The following C1QTNF3 variants were observed in gnomAD, a reference collection of about 807,000 sequenced individuals.
C1QTNF3 encodes the protein C1q and TNF related 3.
In C1QTNF3, 26 loss-of-function variants were observed where a neutral mutation model predicts 32.6. That is an observed-to-expected ratio of 0.80 (90% CI 0.58 to 1.11). C1QTNF3 has a LOEUF of 1.11. Ranked by LOEUF, C1QTNF3 falls within the 50% of genes least tolerant of loss-of-function variation. C1QTNF3 has a pLI of 0.00. For synonymous variants in C1QTNF3, 155 were observed against 146.0 expected (o/e 1.06, Z -0.44); for missense variants, 362 against 398.2 (o/e 0.91, Z 0.77).
chr5:34,020,843 C>A, intron 5 of C1QTNF3, 101 bp from the exon 6 acceptor site: 1 of 1,264,414 alleles, frequency 7.9e-7, no homozygotes, highest in South Asian at 1.4e-5. Context: ...CAGGTATAAT[C>A]CTGCGGCTAA....
chr5:34,175,870 C>T, the C1QTNF3 span: 70 of 799,416 alleles, frequency 8.8e-5, no homozygotes, highest in African/African-American at 6.6e-4. Flanking sequence ...TCTCCAACCA[C>T]GTATTTTCTG....
At chr5:34,208,272 T>G in the C1QTNF3 span, among the ~76,000 whole-genome samples, 4 of 152,178 alleles carry the variant, frequency 2.6e-5, no homozygotes, top group African/African-American at 9.6e-5. Context: ...TACTTGCCCC[T>G]GTTATAACAA....
the C1QTNF3 span, among the ~76,000 whole-genome samples, chr5:34,102,885 G>C: frequency 6.6e-6 from 1 of 152,234 alleles, no homozygotes; most frequent in Non-Finnish European, 1.5e-5. Flanking sequence ...TAATGTAAAT[G>C]ACGGGTTAAT....
Position 34,020,510 on chromosome 5 carries a change from A to G in C1QTNF3, c.*73T>C, listed in dbSNP as rs887552148. ...ACAGCAATGTAAAACCCTCAACTTT[A>G]ATGTTCCTCAGATCGTAACAAATCA... On this transcript the variant is annotated 3_prime_UTR_variant, in exon 6 of 6. Transcript: ENST00000382065. 96 of 1,526,366 alleles carry G rather than the reference A, an allele frequency of 6.3e-5. No individual in the cohort carries two copies. The highest frequency in any genetic ancestry group is 7.9e-5 in the Non-Finnish European group (89 of 1,122,480). 94.6% of individuals were successfully genotyped at this position (1,526,366 alleles called of 1,614,324 possible). A position where few individuals can be genotyped will look rare whatever the true frequency, so the allele number is the denominator to read the frequency against.
In C1QTNF3 at chr5:34,043,180, G is replaced by T; in HGVS notation, c.-55C>A. 6.4e-7 allele frequency: 1 copy of T among 1,553,348 alleles called. No homozygotes were observed. ...GAGAAGACAGCAGAGCTCCAGGAGC[G>T]TGGTCTCCTCGGGCAGATGCCAGGA... is the stretch of plus-strand genomic sequence containing the variant. On this transcript the variant is annotated 5_prime_UTR_variant, in exon 1 of 6. Transcript: ENST00000382065.
the C1QTNF3 span, among the ~76,000 whole-genome samples, chr5:34,110,799 G>A: frequency 6.6e-6 from 1 of 151,884 alleles, no homozygotes; most frequent in African/African-American, 2.4e-5. Context: ...ACATCTGCAT[G>A]AATATTAAAG....
chr5:34,146,527 C>T, the C1QTNF3 span, among the ~76,000 whole-genome samples: 3 of 152,168 alleles, frequency 2.0e-5, no homozygotes, highest in Non-Finnish European at 4.4e-5. Flanking sequence ...CTTACAATCA[C>T]CTGATCTTCA....
chr5:34,137,678 T>A, the C1QTNF3 span, among the ~76,000 whole-genome samples: 1 of 152,258 alleles, frequency 6.6e-6, no homozygotes, highest in Non-Finnish European at 1.5e-5. Flanking sequence ...ATACAGTGAC[T>A]TTATGACTTT....
the C1QTNF3 span, among the ~76,000 whole-genome samples, chr5:34,224,983 G>A: frequency 6.6e-6 from 1 of 152,116 alleles, no homozygotes; most frequent in African/African-American, 2.4e-5. Flanking sequence ...TCATCAAAAA[G>A]TGGGCGAAGG....
chr5:34,157,793 T>C, the C1QTNF3 span, among the ~76,000 whole-genome samples: 15 of 152,176 alleles, frequency 9.9e-5, no homozygotes, highest in South Asian at 2.1e-4. Flanking sequence ...CCTTTCAACA[T>C]TGGGATTTTA....
At chr5:34,157,724 G>GA in the C1QTNF3 span, among the ~76,000 whole-genome samples, 1 of 152,160 alleles carries the variant, frequency 6.6e-6, no homozygotes, top group Non-Finnish European at 1.5e-5. Flanking sequence ...GCCTCTAGAA[G>GA]CTGTAAAAGT....
the C1QTNF3 span, among the ~76,000 whole-genome samples, chr5:34,102,190 A>C: frequency 1.3e-5 from 2 of 152,052 alleles, no homozygotes; most frequent in African/African-American, 4.8e-5. Flanking sequence ...AAGATAACGA[A>C]TATTACCTTT....
chr5:34,102,246 G>C, the C1QTNF3 span, among the ~76,000 whole-genome samples: 1 of 152,080 alleles, frequency 6.6e-6, no homozygotes, highest in South Asian at 2.1e-4. Flanking sequence ...CATTTCGTCT[G>C]ATTTTAGCTT....
At chr5:34,144,911 C>A in the C1QTNF3 span, among the ~76,000 whole-genome samples, 1,114 of 152,156 alleles carry the variant, frequency 7.3e-3, 14 homozygotes, top group African/African-American at 0.026. Flanking sequence ...AGGTGGATCA[C>A]GAGGTCAGGA....
At chr5:34,021,848 G>A (rs1388532675) in intron 5 of C1QTNF3, among the ~76,000 whole-genome samples, 6 of 152,148 alleles carry the variant, frequency 3.9e-5, no homozygotes, top group Admixed American at 3.9e-4. Flanking sequence ...GAGTTGATAG[G>A]TGCAGCAAAC....
At chr5:34,040,227 T>G (rs909637444) in intron 1 of C1QTNF3, among the ~76,000 whole-genome samples, 5 of 152,174 alleles carry the variant, frequency 3.3e-5, no homozygotes, top group Non-Finnish European at 7.3e-5. Context: ...CAAATTTGTA[T>G]GCAAAAGGCA....
At chr5:34,100,818 T>C in the C1QTNF3 span, among the ~76,000 whole-genome samples, 7 of 150,838 alleles carry the variant, frequency 4.6e-5, 1 homozygote, top group African/African-American at 1.7e-4. Flanking sequence ...TTACAAAAAA[T>C]TTTAAAGTAT....
the C1QTNF3 span, among the ~76,000 whole-genome samples, chr5:34,128,346 C>A: frequency 6.6e-6 from 1 of 152,324 alleles, no homozygotes; most frequent in Non-Finnish European, 1.5e-5. Flanking sequence ...GAGGGCAGTG[C>A]ACAGGAGAAA....
the C1QTNF3 span, among the ~76,000 whole-genome samples, chr5:34,088,732 G>A: frequency 6.6e-6 from 1 of 152,048 alleles, no homozygotes; most frequent in Non-Finnish European, 1.5e-5. Flanking sequence ...GGCGGGTCTG[G>A]AACTCCCGGG....
Sources: allele counts gnomAD v4.1 joint callset (sites outside exome capture counted in the v4.1 genomes callset), GRCh38; gene constraint gnomAD v4.1.1; transcripts MANE v1.5; gene names NCBI Gene and HGNC (gene_info 2026-07-23, HGNC 2026-07-21).